The following CELF2 variants were observed in gnomAD, a reference collection of about 807,000 sequenced individuals.
CELF2 encodes CUG triplet repeat RNA-binding protein 2.
CELF2 carries 8 observed loss-of-function variants against 62.6 expected under a neutral mutation model. The observed-to-expected ratio is 0.13, with a 90% CI of 0.07 to 0.23. The LOEUF is 0.23. CELF2 is among the 10% of genes least tolerant of loss of function. The pLI, the probability that CELF2 is intolerant of heterozygous loss-of-function variation, is 1.00. For synonymous variants in CELF2, 258 were observed against 250.0 expected, an observed-to-expected ratio of 1.03 and a Z score of -0.30; for missense variants, 333 against 671.0, an observed-to-expected ratio of 0.50 and a Z score of 5.56.
the CELF2 span, among the ~76,000 whole-genome samples, chr10:10,684,974 G>T: frequency 1.3e-5 from 2 of 152,070 alleles, no homozygotes; most frequent in African/African-American, 4.8e-5. Context: ...ATTCTCTTTG[G>T]TTAGAGCAAA....
chr10:10,952,277 C>G (rs2048404608), intron 2 of CELF2: 1 of 152,250 alleles, frequency 6.6e-6, no homozygotes, highest in Non-Finnish European at 1.5e-5. Flanking sequence ...ACCCATGATG[C>G]ACTTTTCTCA....
chr10:11,287,445 G>C (rs1394921397), intron 8 of CELF2, among the ~76,000 whole-genome samples: 2 of 152,252 alleles, frequency 1.3e-5, no homozygotes, highest in East Asian at 3.9e-4. Context: ...CCCACCCCTA[G>C]ATTGTTGCCC....
chr10:10,463,761 G>T, the CELF2 span, among the ~76,000 whole-genome samples: 3 of 152,020 alleles, frequency 2.0e-5, no homozygotes, highest in Non-Finnish European at 2.9e-5. Flanking sequence ...CTGTTTGTTT[G>T]GTTGTTTGTT....
At chr10:10,507,302 TCA>T in the CELF2 span, among the ~76,000 whole-genome samples, 1 of 1,732 alleles carries the variant, frequency 5.8e-4, no homozygotes, top group Non-Finnish European at 0.02. Context: ...CCGGAAATAC[TCA>T]CACCTAAATT....
intron 1 of CELF2, among the ~76,000 whole-genome samples, chr10:11,042,226 A>G (rs187334243): frequency 6.6e-6 from 1 of 152,352 alleles, no homozygotes; most frequent in Admixed American, 6.5e-5. Context: ...AGTAGACAGT[A>G]TATTTGATCC....
intron 1 of CELF2, among the ~76,000 whole-genome samples, chr10:10,829,051 A>T (rs926782318): frequency 6.6e-6 from 1 of 152,236 alleles, no homozygotes; most frequent in Non-Finnish European, 1.5e-5. Context: ...TGTAATATAG[A>T]TTTATAAGTT....
chr10:10,762,203 A>G, the CELF2 span, among the ~76,000 whole-genome samples: 1 of 152,122 alleles, frequency 6.6e-6, no homozygotes. Context: ...AAGGCAGACA[A>G]GAAATGACCA....
intron 2 of CELF2, among the ~76,000 whole-genome samples, chr10:10,967,062 G>A (rs2050193588): frequency 6.6e-6 from 1 of 152,212 alleles, no homozygotes; most frequent in Admixed American, 6.5e-5. Context: ...GAACCGGGCA[G>A]CCCCACGAAC....
intron 1 of CELF2, chr10:11,030,683 A>G (rs1305115003): frequency 1.3e-5 from 2 of 152,224 alleles, no homozygotes; most frequent in Non-Finnish European, 2.9e-5. Context: ...AAACAGGTTG[A>G]GTTTCTGGAT....
chr10:10,707,186 C>T, the CELF2 span, among the ~76,000 whole-genome samples: 1 of 152,266 alleles, frequency 6.6e-6, no homozygotes, highest in South Asian at 2.1e-4. Context: ...TCTAGTAAAA[C>T]TATAAATAAC....
intron 1 of CELF2, among the ~76,000 whole-genome samples, chr10:10,871,413 C>T (rs2060739158): frequency 6.6e-6 from 1 of 152,106 alleles, no homozygotes; most frequent in African/African-American, 2.4e-5. Context: ...TTTTTAAAGC[C>T]ACCTGTGACT....
the CELF2 span, among the ~76,000 whole-genome samples, chr10:10,726,161 C>A: frequency 2.0e-5 from 3 of 152,140 alleles, no homozygotes; most frequent in Non-Finnish European, 4.4e-5. Context: ...CACCTTCAGT[C>A]GGCTTCTTAG....
chr10:10,515,331 T>TG, the CELF2 span, among the ~76,000 whole-genome samples: 1 of 151,608 alleles, frequency 6.6e-6, no homozygotes, highest in Non-Finnish European at 1.5e-5. Flanking sequence ...ATCATGTTCA[T>TG]ACATCTTCCC....
chr10:10,593,661 A>G, the CELF2 span, among the ~76,000 whole-genome samples: 1 of 152,200 alleles, frequency 6.6e-6, no homozygotes, highest in African/African-American at 2.4e-5. Flanking sequence ...GTGATACGCT[A>G]AGGAAATAGG....
At chr10:11,119,040 C>A (rs981471024) in intron 1 of CELF2, among the ~76,000 whole-genome samples, 1 of 152,182 alleles carries the variant, frequency 6.6e-6, no homozygotes, top group South Asian at 2.1e-4. Flanking sequence ...TTTCTCAAGC[C>A]GCCATCCAGT....
At chr10:11,119,424 T>C (rs1453822928) in intron 1 of CELF2, among the ~76,000 whole-genome samples, 3 of 152,194 alleles carry the variant, frequency 2.0e-5, no homozygotes, top group Non-Finnish European at 4.4e-5. Flanking sequence ...ATTTCTTTCA[T>C]AGCACTTTAA....
the CELF2 span, among the ~76,000 whole-genome samples, chr10:10,602,278 T>C: frequency 2.0e-5 from 3 of 152,282 alleles, no homozygotes; most frequent in South Asian, 6.2e-4. Context: ...GCTGTGTACC[T>C]GGGCCTTCTT....
rs187356484 is a variant in CELF2, at chr10:11,086,533, G to A, written c.74+68370G>A. On this transcript the variant is annotated intron_variant, in intron 1 of 12. Transcript: ENST00000633077. ...AAATATTTGATAACACTGAAAGAGCGTTTTTCCTCTTCCACAGTGAATCCA... is the reference window on the plus strand; with the variant it reads ...AAATATTTGATAACACTGAAAGAGCATTTTTCCTCTTCCACAGTGAATCCA... 7.6e-5 allele frequency among the ~76,000 whole-genome samples: 10 copies of A among 131,146 alleles called. No individual in the cohort carries two copies. In the East Asian group the frequency reaches 8.2e-4, roughly 11 times the overall value. The allele number at this position is 131,146 out of a possible 152,430, so 86.0% of individuals were successfully genotyped here.
intron 1 of CELF2, among the ~76,000 whole-genome samples, chr10:10,837,133 A>G (rs2058351137): frequency 6.6e-6 from 1 of 152,162 alleles, no homozygotes; most frequent in African/African-American, 2.4e-5. Context: ...CCCAAATCTC[A>G]TTTTGAATTA....
Sources: allele counts gnomAD v4.1 joint callset (sites outside exome capture counted in the v4.1 genomes callset), GRCh38; gene constraint gnomAD v4.1.1; transcripts MANE v1.5; gene names NCBI Gene and HGNC (gene_info 2026-07-23, HGNC 2026-07-21).